Variants in KDM5C observed in about 807,000 individuals in gnomAD.
The protein encoded by KDM5C is lysine-specific demethylase 5C.
KDM5C carries 16 observed loss-of-function variants against 110.6 expected under a neutral mutation model. The ratio of observed to expected loss-of-function variants is 0.14; its 90% confidence interval spans 0.10 to 0.22. KDM5C has a LOEUF of 0.22. Ranked by LOEUF, KDM5C falls within the 10% of genes least tolerant of loss-of-function variation. The probability of loss-of-function intolerance (pLI) is 1.00; values close to 1 mark genes in which losing one functional copy is unlikely to be tolerated. For synonymous variants in KDM5C, 511 were observed against 520.4 expected (o/e 0.98, Z 0.24); for missense variants, 681 against 1,300.9 (o/e 0.52, Z 7.33).
intron 25 of KDM5C, among the ~76,000 whole-genome samples, chrX:53,186,072 T>C (rs782789460): frequency 6.2e-5 from 7 of 112,139 alleles, no homozygotes; most frequent in Non-Finnish European, 1.1e-4. Context: ...TGTTAATCTC[T>C]GGTGATCCAG....
chrX:53,221,611 T>C, intron 1 of KDM5C: 1 of 517,372 alleles, frequency 1.9e-6, no homozygotes, highest in South Asian at 2.4e-5. Flanking sequence ...TAATGTTTGT[T>C]CTCTCAGTTT....
chrX:53,192,568 T>G lies in KDM5C; in HGVS notation c.*399A>C. On this transcript the variant is annotated 3_prime_UTR_variant, in exon 26 of 26. Coordinates refer to ENST00000375401, the MANE Select transcript of KDM5C (RefSeq NM_004187.5). ...GAGGGGAGGAGAGTGGGGGCAGGGG[T>G]TAGTGTAGCATGGCCTGGCCAGGAC... 2.4e-6 allele frequency: 1 copy of G among 413,099 alleles called. No homozygotes were observed. Among genetic ancestry groups the G allele is most frequent in the Non-Finnish European group, 4.3e-6 (1 of 234,439 alleles). 34.0% of individuals were successfully genotyped at this position (413,099 alleles called of 1,213,427 possible). A position where few individuals can be genotyped will look rare whatever the true frequency, so the allele number is the denominator to read the frequency against.
chrX:53,192,635 T>A lies in KDM5C; in HGVS notation c.*332A>T. On this transcript the variant is annotated 3_prime_UTR_variant, in exon 26 of 26. Coordinates refer to ENST00000375401, the MANE Select transcript of KDM5C (RefSeq NM_004187.5). ...AGGGAGGAGAGTCCCCCAGTTTGCA[T>A]ATACACTGGCCTTGTCTCTGGAATG... The A allele has an allele frequency of 3.4e-6, 3 of 888,269 alleles. No homozygotes were observed. The allele number at this position is 888,269 out of a possible 1,213,427, so 73.2% of individuals were successfully genotyped here. A position where few individuals can be genotyped will look rare whatever the true frequency, so the allele number is the denominator to read the frequency against.
At chrX:53,223,682 T>C (rs2073954940) in intron 1 of KDM5C, among the ~76,000 whole-genome samples, 1 of 112,307 alleles carries the variant, frequency 8.9e-6, no homozygotes, top group East Asian at 2.8e-4. Context: ...ACTTCTAGCC[T>C]GAAGCCAGGC....
At position 53,197,772 on chromosome X, in the gene KDM5C, T is replaced by C; in HGVS notation, c.2621A>G (p.Lys874Arg). The change falls in exon 18 of 26, where the codon AAG (lysine) becomes AGG (arginine). Residue 874 changes from lysine to arginine, a missense_variant and splice_region_variant. Around this residue, in one of 14 missense-constraint regions of KDM5C, gnomAD observed 123 missense variants for 169.0 expected, o/e 0.73. Coordinates refer to ENST00000375401, the MANE Select transcript of KDM5C (RefSeq NM_004187.5). ...PCAMHQIGDV[K>R]GVLEQVEAYQ... ...CATCAGCACTCCAAGCGTCCTCACC[T>C]TGACATCCCCAATCTGGTGCATGGC... 9 of 1,200,468 alleles carry C rather than the reference T, an allele frequency of 7.5e-6. No homozygotes were observed. Among genetic ancestry groups the C allele is most frequent in the Non-Finnish European group, 1.0e-5 (9 of 888,499 alleles).
intron 25 of KDM5C, among the ~76,000 whole-genome samples, chrX:53,181,820 G>A (rs1227209278): frequency 1.9e-5 from 2 of 107,371 alleles, no homozygotes; most frequent in Non-Finnish European, 3.8e-5. Context: ...ACGGAGTCTC[G>A]CTCTGTCTCC....
chrX:53,214,408 A>G (rs1569276966), intron 8 of KDM5C: 2 of 329,764 alleles, frequency 6.1e-6, no homozygotes, highest in Non-Finnish European at 5.3e-6. Flanking sequence ...CTGAACTTCT[A>G]TATCTCAGAG....
chrX:53,221,652 A>G, intron 1 of KDM5C: 1 of 752,931 alleles, frequency 1.3e-6, no homozygotes, highest in Non-Finnish European at 1.8e-6. Context: ...TGCAGGGAAG[A>G]GCAAGGAACA....
intron 12 of KDM5C, among the ~76,000 whole-genome samples, chrX:53,208,500 T>A: frequency 1.1e-4 from 1 of 8,965 alleles, no homozygotes; most frequent in East Asian, 3.9e-3. Flanking sequence ...CAGAGAATCC[T>A]TTTTTTTTTT....
At chrX:53,187,098 T>C (rs1416924817), downstream of KDM5C, among the ~76,000 whole-genome samples, 1 of 111,638 alleles carries the variant, frequency 9.0e-6, no homozygotes, top group Non-Finnish European at 1.9e-5. Context: ...CTGAACAAAA[T>C]GGCCATGGTG....
rs1243109221 is a variant in KDM5C at position 53,192,771 on chromosome X, C to T, written c.*196G>A. 6 of 1,133,622 alleles carry T rather than the reference C, an allele frequency of 5.3e-6. No individual in the cohort carries two copies. The Admixed American group carries it at 1.6e-4, about 30-fold the overall frequency. The allele number at this position is 1,133,622 out of a possible 1,213,427, so 93.4% of individuals were successfully genotyped here. A position where few individuals can be genotyped will look rare whatever the true frequency, so the allele number is the denominator to read the frequency against. On this transcript the variant is annotated 3_prime_UTR_variant, in exon 26 of 26. Coordinates refer to ENST00000375401, the MANE Select transcript of KDM5C (RefSeq NM_004187.5). The stretch of plus-strand genomic sequence containing the variant: ...ACCAGGGAGGGAAGACTCCAGGGGC[C>T]GGCCCCCAGGAGCTGAGGTCTGAAC...
In KDM5C at chrX:53,198,583, T is replaced by A. The variant is rs782492619; in HGVS notation, c.2423A>T (p.Asn808Ile). 8.3e-7 allele frequency: 1 copy of A among 1,211,561 alleles called. No homozygotes were observed. The highest frequency in any genetic ancestry group is 1.1e-6 in the Non-Finnish European group (1 of 895,339). The change falls in exon 17 of 26, where the codon AAT becomes ATT. Residue 808 changes from asparagine to isoleucine, a missense_variant. Physicochemically the swap from Asn to Ile is moderately radical, Grantham distance 149. Coordinates refer to ENST00000375401, the MANE Select transcript of KDM5C (RefSeq NM_004187.5). Reference sequence around the variant, plus strand: ...CTTTAGTTGCTGCAGCAGCTCACTATTAGGAAACCTCCGCTCACGGGCTTC... The same window carrying A: ...CTTTAGTTGCTGCAGCAGCTCACTAATAGGAAACCTCCGCTCACGGGCTTC... ...ESEARERRFPNSELLQQLKNC... is the reference protein window; with the variant it reads ...ESEARERRFPISELLQQLKNC...
At chrX:53,184,278 C>T (rs1934155567) in intron 25 of KDM5C, among the ~76,000 whole-genome samples, 2 of 111,336 alleles carry the variant, frequency 1.8e-5, no homozygotes, top group African/African-American at 6.5e-5. Flanking sequence ...CTCATTCTGT[C>T]ACCTAGGCTG....
chrX:53,197,722 A>AGGTCCCCT, intron 18 of KDM5C, 49 bp downstream of exon 18: 1 of 1,017,744 alleles, frequency 9.8e-7, no homozygotes, highest in Non-Finnish European at 1.4e-6. Context: ...CCTGCTGCTC[A>AGGTCCCCT]GGTCCCCTGG....
intron 1 of KDM5C, among the ~76,000 whole-genome samples, chrX:53,223,044 C>T (rs1466780171): frequency 1.8e-5 from 2 of 111,974 alleles, no homozygotes; most frequent in Non-Finnish European, 3.8e-5. Flanking sequence ...GAGAGAAGCA[C>T]ACTGTTGAGC....
Position 53,193,277 on chromosome X carries a change from C to T in KDM5C, c.4373G>A (p.Arg1458Gln), listed in dbSNP as rs782323982. ...ACCCCGATCCACCTTCCGCCGCCGC[C>T]GCCTCTCCAGGGCCCGGCCCCGAGC... Reference protein sequence around the residue: ...SRARGRALERRRRRKVDRGGE... With the variant: ...SRARGRALERQRRRKVDRGGE... Residue 1458 changes from arginine to glutamine, a missense_variant, in exon 26 of 26, where the codon CGG (arginine) becomes CAG (glutamine). By Grantham distance (43) the Arg-to-Gln change is conservative. Coordinates refer to ENST00000375401, the MANE Select transcript of KDM5C (RefSeq NM_004187.5). 1.7e-6 allele frequency: 2 copies of T among 1,209,599 alleles called. No individual in the cohort carries two copies. Among genetic ancestry groups the T allele is most frequent in the South Asian group, 1.8e-5 (1 of 56,945 alleles).
chrX:53,187,986 C>T (rs1294230450), downstream of KDM5C, among the ~76,000 whole-genome samples: 3 of 110,237 alleles, frequency 2.7e-5, no homozygotes, highest in African/African-American at 9.9e-5. Flanking sequence ...ACATGATTCG[C>T]CCGCCTCGGC....
At chrX:53,191,900 G>A (rs1420395195), downstream of KDM5C, 3 of 174,700 alleles carry the variant, frequency 1.7e-5, no homozygotes, top group Non-Finnish European at 3.3e-5. Flanking sequence ...GCATCAACTG[G>A]GGGAGGTTGT....
At position 53,215,593 on chromosome X, in the gene KDM5C, T is replaced by C. The variant is rs2073716677; in HGVS notation, c.963+202A>G. The C allele has an allele frequency of 4.5e-5, 21 of 465,424 alleles. No homozygotes were observed. The South Asian group carries it at 5.3e-4, about 12-fold the overall frequency. The allele number at this position is 465,424 out of a possible 1,213,427, so 38.4% of individuals were successfully genotyped here. On this transcript the variant is annotated intron_variant, in intron 7 of 25. Transcript: ENST00000375401. ...TTCTCTGGACCCTTCCAGCACTTCA[T>C]GTTGACAGCACTTGATCACCCTTTC...
Sources: allele counts gnomAD v4.1 joint callset (sites outside exome capture counted in the v4.1 genomes callset), GRCh38; gene constraint gnomAD v4.1.1; regional missense constraint gnomAD v4.1.1; transcripts MANE v1.5; gene names NCBI Gene and HGNC (gene_info 2026-07-23, HGNC 2026-07-21).